ST3GAL3: variants seen among roughly 807,000 people sequenced by gnomAD.
ST3GAL3 encodes the protein ST3 beta-galactoside alpha-2,3-sialyltransferase 3, also known as CMP-N-acetylneuraminate-beta-1,4-galactoside alpha-2,3-sialyltransferase.
A neutral mutation model predicts 50.1 loss-of-function variants in ST3GAL3; 21 were observed. The observed-to-expected ratio is 0.42, with a 90% CI of 0.30 to 0.60. The LOEUF is 0.60. Ranked by LOEUF, ST3GAL3 falls within the 20% of genes least tolerant of loss-of-function variation. The pLI is 0.19. For missense variants in ST3GAL3, 353 were observed against 489.4 expected, an observed-to-expected ratio of 0.72 and a Z score of 2.63; for synonymous variants, 183 against 190.0, an observed-to-expected ratio of 0.96 and a Z score of 0.30.
At chr1:43,755,198 G>A (rs920544636) in intron 2 of ST3GAL3, among the ~76,000 whole-genome samples, 1 of 152,204 alleles carries the variant, frequency 6.6e-6, no homozygotes, top group East Asian at 1.9e-4. Context: ...TAGAAAACAG[G>A]CAAAGAATTA....
chr1:43,743,639 C>T, intron 2 of ST3GAL3: 1 of 277,752 alleles, frequency 3.6e-6, no homozygotes, highest in Non-Finnish European at 7.2e-6. Context: ...ATCCATGAAA[C>T]AGGCACACCT....
chr1:43,744,954 GC>G (rs1366644096), intron 2 of ST3GAL3, among the ~76,000 whole-genome samples: 1 of 151,790 alleles, frequency 6.6e-6, no homozygotes, highest in Non-Finnish European at 1.5e-5. Context: ...TCGTGCCACT[GC>G]ATTCCAGGCT....
intron 11 of ST3GAL3, 140 bp downstream of exon 11, chr1:43,921,068 C>T: frequency 1.0e-6 from 1 of 1,004,440 alleles, no homozygotes; most frequent in East Asian, 2.6e-5. Context: ...TCCTACGTGC[C>T]CTCTCCACAG....
chr1:43,812,578 C>G (rs1053014236), intron 3 of ST3GAL3, among the ~76,000 whole-genome samples: 3 of 152,258 alleles, frequency 2.0e-5, no homozygotes, highest in African/African-American at 4.8e-5. Context: ...CCTCCTACCT[C>G]AGCCTCTGGA....
intron 11 of ST3GAL3, among the ~76,000 whole-genome samples, chr1:43,924,258 C>T (rs912983619): frequency 2.6e-5 from 4 of 152,116 alleles, no homozygotes; most frequent in Non-Finnish European, 5.9e-5. Context: ...ACCGTGGCCC[C>T]GAAAGTCTTC....
chr1:43,911,463 C>T (rs184784929), intron 9 of ST3GAL3, among the ~76,000 whole-genome samples: 22 of 151,012 alleles, frequency 1.5e-4, no homozygotes, highest in African/African-American at 5.4e-4. Context: ...TCAAACCTGT[C>T]CTTCTAGGAC....
At chr1:43,927,815 C>T (rs1175241130) in intron 11 of ST3GAL3, among the ~76,000 whole-genome samples, 2 of 151,986 alleles carry the variant, frequency 1.3e-5, no homozygotes, top group East Asian at 3.9e-4. Flanking sequence ...CTTGAAGGGG[C>T]CGGAGGGCTT....
intron 2 of ST3GAL3, among the ~76,000 whole-genome samples, chr1:43,762,814 G>C (rs557610591): frequency 6.6e-6 from 1 of 152,232 alleles, no homozygotes; most frequent in South Asian, 2.1e-4. Context: ...GCTGGGGAGA[G>C]AGGAGATAGG....
intron 9 of ST3GAL3, among the ~76,000 whole-genome samples, chr1:43,904,452 T>G (rs989575852): frequency 2.6e-5 from 4 of 151,980 alleles, no homozygotes; most frequent in Admixed American, 1.3e-4. Flanking sequence ...CCATTTCCTT[T>G]GCGGCCATCA....
At chr1:43,900,510 G>C (rs1011248145) in intron 9 of ST3GAL3, among the ~76,000 whole-genome samples, 1 of 151,694 alleles carries the variant, frequency 6.6e-6, no homozygotes, top group Non-Finnish European at 1.5e-5. Context: ...CCGTGAACTT[G>C]TCCAGGCCCA....
At chr1:43,860,571 A>G (rs1267817086) in intron 5 of ST3GAL3, among the ~76,000 whole-genome samples, 4 of 152,240 alleles carry the variant, frequency 2.6e-5, no homozygotes, top group African/African-American at 7.2e-5. Context: ...TGCTCTATCC[A>G]TCTCTGTTCC....
intron 1 of ST3GAL3, among the ~76,000 whole-genome samples, chr1:43,712,695 T>C (rs1665382899): frequency 6.6e-6 from 1 of 152,216 alleles, no homozygotes; most frequent in Non-Finnish European, 1.5e-5. Flanking sequence ...ACCTACATCT[T>C]GAAAAATCAG....
chr1:43,728,426 C>A (rs988277604), intron 1 of ST3GAL3, among the ~76,000 whole-genome samples: 6 of 152,138 alleles, frequency 3.9e-5, no homozygotes, highest in African/African-American at 1.4e-4. Context: ...CTGCCAGGGT[C>A]TTTCTGTGGG....
At position 43,771,608 on chromosome 1, in the gene ST3GAL3, C is replaced by T. The variant is rs150949095; in HGVS notation, c.119-20494C>T. Reference sequence around the variant, plus strand: ...TCCTGACCTTGTGATCTGCCCGCCTCGGCCTCCCAAAGTACTGGGATTACA... The same window carrying T: ...TCCTGACCTTGTGATCTGCCCGCCTTGGCCTCCCAAAGTACTGGGATTACA... On this transcript the variant is annotated intron_variant, in intron 2 of 11. Transcript: ENST00000347631. Among the ~76,000 whole-genome samples, 1,450 of 152,262 alleles carry T rather than the reference C, an allele frequency of 9.5e-3. 20 individuals are homozygous for T. Among genetic ancestry groups the T allele is most frequent in the African/African-American group, 0.033 (1,384 of 41,546 alleles).
intron 11 of ST3GAL3, among the ~76,000 whole-genome samples, chr1:43,927,955 G>A (rs1220097980): frequency 6.6e-6 from 1 of 152,182 alleles, no homozygotes; most frequent in East Asian, 1.9e-4. Context: ...CTTCAGGGCA[G>A]CTGGGTTTGT....
intron 1 of ST3GAL3, among the ~76,000 whole-genome samples, chr1:43,726,444 G>A (rs895739122): frequency 2.0e-5 from 3 of 151,962 alleles, no homozygotes; most frequent in African/African-American, 7.3e-5. Flanking sequence ...ATGCCACTAT[G>A]CCCAGCTAAT....
chr1:43,721,943 A>G (rs1490313197), intron 1 of ST3GAL3, among the ~76,000 whole-genome samples: 1 of 151,912 alleles, frequency 6.6e-6, no homozygotes, highest in Non-Finnish European at 1.5e-5. Context: ...TGATTGAATA[A>G]TCAGTTAGTC....
chr1:43,929,805 G>A (rs2084740795), intron 11 of ST3GAL3, among the ~76,000 whole-genome samples: 1 of 152,192 alleles, frequency 6.6e-6, no homozygotes, highest in South Asian at 2.1e-4. Flanking sequence ...GGTGCTTCAT[G>A]ACAAGAAGTG....
chr1:43,914,064 A>C (rs1219242367), intron 9 of ST3GAL3: 1 of 152,250 alleles, frequency 6.6e-6, no homozygotes, highest in Non-Finnish European at 1.5e-5. Context: ...CTCCCAGGAA[A>C]GAGTAAAGAT....
Sources: gnomAD v4.1 joint callset for allele counts (sites outside exome capture counted in the v4.1 genomes callset) on GRCh38, gnomAD v4.1.1 for gene constraint, MANE v1.5 for transcripts, NCBI Gene and HGNC (gene_info 2026-07-23, HGNC 2026-07-21) for gene names.